VRTN: variants seen among roughly 807,000 people sequenced by gnomAD.
VRTN encodes vertnin.
A neutral mutation model predicts 18.2 loss-of-function variants in VRTN; 5 were observed. That is an observed-to-expected ratio of 0.27 (90% CI 0.14 to 0.58). The LOEUF (loss-of-function observed/expected upper bound fraction) is 0.58. VRTN is among the 20% of genes least tolerant of loss of function. VRTN has a pLI of 0.91. For missense variants in VRTN, 741 were observed against 939.4 expected (o/e 0.79, Z 2.76); for synonymous variants, 381 against 393.7 (o/e 0.97, Z 0.38).
At chr14:74,328,853 G>A (rs1450999785) in intron 1 of VRTN, among the ~76,000 whole-genome samples, 1 of 152,110 alleles carries the variant, frequency 6.6e-6, no homozygotes, top group East Asian at 1.9e-4. Flanking sequence ...CAAAAATTGG[G>A]GCTGGGTGCA....
intron 1 of VRTN, among the ~76,000 whole-genome samples, chr14:74,353,288 C>CA (rs200499197): frequency 1.2e-4 from 18 of 149,192 alleles, no homozygotes; most frequent in African/African-American, 1.5e-4. Flanking sequence ...GATTCTGTCT[C>CA]AAAAAAAAAG....
intron 1 of VRTN, among the ~76,000 whole-genome samples, chr14:74,330,803 G>A (rs68169029): frequency 0.034 from 5,165 of 152,168 alleles, 158 homozygotes; most frequent in African/African-American, 0.076. Flanking sequence ...GACTCTAGCA[G>A]ATCAAGTCTG....
At position 74,359,364 on chromosome 14, in the gene VRTN, AGTT is replaced by A. The variant is rs2085763866; in HGVS notation, c.*476_*478del. 5.9e-6 allele frequency: 1 copy of A among 169,540 alleles called. No individual in the cohort carries two copies. Among genetic ancestry groups the A allele is most frequent in the Admixed American group, 6.4e-5 (1 of 15,640 alleles). The allele number at this position is 169,540 out of a possible 1,614,324, so 10.5% of individuals were successfully genotyped here. On this transcript the variant is annotated 3_prime_UTR_variant, in exon 2 of 2. Coordinates refer to ENST00000256362, the MANE Select transcript of VRTN (RefSeq NM_018228.3). ...TTGGGGGTTGGCATCCTCTTTACTC[AGTT>A]GTTTCCCAAAGGAACATTAGGCTCG...
chr14:74,323,350 G>A (rs1167776769), intron 1 of VRTN, among the ~76,000 whole-genome samples: 1 of 151,128 alleles, frequency 6.6e-6, no homozygotes, highest in Non-Finnish European at 1.5e-5. Flanking sequence ...TTGGGAGGCC[G>A]AGGCGGGCAG....
intron 1 of VRTN, among the ~76,000 whole-genome samples, chr14:74,326,808 G>C (rs903087270): frequency 1.3e-5 from 2 of 152,154 alleles, no homozygotes; most frequent in East Asian, 3.9e-4. Context: ...CATGGCCACG[G>C]CTCAGGCCCA....
chr14:74,341,821 A>G (rs1400480969), intron 2 of VRTN, among the ~76,000 whole-genome samples: 1 of 152,140 alleles, frequency 6.6e-6, no homozygotes, highest in Admixed American at 6.6e-5. Flanking sequence ...ACCTGGCCGC[A>G]TGTCTTTTTG....
At chr14:74,321,002 C>T (rs760571589) in intron 1 of VRTN, among the ~76,000 whole-genome samples, 2 of 151,182 alleles carry the variant, frequency 1.3e-5, no homozygotes, top group Non-Finnish European at 2.9e-5. Context: ...TTGAGAATTG[C>T]CCACTGGAAA....
At chr14:74,308,606 C>T (rs893328297) in intron 1 of VRTN, among the ~76,000 whole-genome samples, 2 of 151,298 alleles carry the variant, frequency 1.3e-5, no homozygotes, top group African/African-American at 4.9e-5. Context: ...CCTCTGCCTC[C>T]CGGGTTCAAG....
chr14:74,324,278 C>T (rs1032677304), intron 1 of VRTN, among the ~76,000 whole-genome samples: 1 of 150,440 alleles, frequency 6.6e-6, no homozygotes, highest in Non-Finnish European at 1.5e-5. Context: ...GTCCCAGCTA[C>T]TCGGGAGGCT....
upstream of VRTN, among the ~76,000 whole-genome samples, chr14:74,346,815 T>C (rs1373977936): frequency 6.6e-6 from 1 of 152,238 alleles, no homozygotes; most frequent in Non-Finnish European, 1.5e-5. Flanking sequence ...TTTTGTTTTT[T>C]CACTACTTTC....
chr14:74,304,223 C>A (rs2085262554), intron 1 of VRTN, among the ~76,000 whole-genome samples: 1 of 151,128 alleles, frequency 6.6e-6, no homozygotes, highest in Non-Finnish European at 1.5e-5. Flanking sequence ...ATGGTGCTAT[C>A]TTGGCTCACT....
rs558951273 is a variant in VRTN at position 74,326,880 on chromosome 14, T to C, written c.-163-10843T>C. Among the ~76,000 whole-genome samples, 5 of 152,254 alleles carry C rather than the reference T, an allele frequency of 3.3e-5. No individual in the cohort carries two copies. In the South Asian group the frequency reaches 1.0e-3, roughly 32 times the overall value. On this transcript the variant is annotated intron_variant, in intron 1 of 2. Coordinates refer to the VRTN transcript ENST00000557177. ...TTGAGGGGAGTTGCTGTGACACAGA[T>C]AGGGCAGCGGGATATGGGTGTGTGG... is the stretch of plus-strand genomic sequence containing the variant.
chr14:74,330,642 T>C (rs2085515710), intron 1 of VRTN, among the ~76,000 whole-genome samples: 1 of 151,754 alleles, frequency 6.6e-6, no homozygotes, highest in Non-Finnish European at 1.5e-5. Flanking sequence ...GGTTTCTCCA[T>C]GCTGGTCAGG....
At chr14:74,351,257 CT>C (rs1165119482) in intron 1 of VRTN, among the ~76,000 whole-genome samples, 1 of 152,060 alleles carries the variant, frequency 6.6e-6, no homozygotes, top group Non-Finnish European at 1.5e-5. Flanking sequence ...TAAGTGCTGT[CT>C]TTACTAAGGA....
At chr14:74,335,922 G>A (rs1195604850) in intron 1 of VRTN, among the ~76,000 whole-genome samples, 1 of 151,544 alleles carries the variant, frequency 6.6e-6, no homozygotes, top group Non-Finnish European at 1.5e-5. Flanking sequence ...TGTGTCTTTA[G>A]TAGAGATGGG....
chr14:74,319,486 G>A (rs545740279), intron 1 of VRTN, among the ~76,000 whole-genome samples: 2 of 152,194 alleles, frequency 1.3e-5, no homozygotes, highest in Non-Finnish European at 2.9e-5. Flanking sequence ...CAAAGACCCC[G>A]CTTCAAGTGC....
chr14:74,326,829 G>A (rs1280262223), intron 1 of VRTN, among the ~76,000 whole-genome samples: 2 of 152,060 alleles, frequency 1.3e-5, no homozygotes, highest in Non-Finnish European at 2.9e-5. Flanking sequence ...CTGGACCCCA[G>A]GACGCTCCTC....
intron 1 of VRTN, among the ~76,000 whole-genome samples, chr14:74,315,679 A>G (rs1223136179): frequency 6.6e-6 from 1 of 152,220 alleles, no homozygotes; most frequent in African/African-American, 2.4e-5. Context: ...ACAATATTAA[A>G]TATAAATCAG....
intron 1 of VRTN, among the ~76,000 whole-genome samples, chr14:74,320,249 CTTTTTTTTTTTTT>C (rs71115982): frequency 4.1e-5 from 3 of 72,690 alleles, no homozygotes; most frequent in African/African-American, 6.3e-5. Flanking sequence ...GATCCCATCC[CTTTTTTTTTTTTT>C]TTTTTTTTTT....
Sources: allele counts gnomAD v4.1 joint callset (sites outside exome capture counted in the v4.1 genomes callset), GRCh38; gene constraint gnomAD v4.1.1; transcripts MANE v1.5; gene names NCBI Gene and HGNC (gene_info 2026-07-23, HGNC 2026-07-21).